The following MYO5B variants were observed in gnomAD, a reference collection of about 807,000 sequenced individuals.
MYO5B encodes unconventional myosin-Vb.
In MYO5B, 143 loss-of-function variants were observed where a neutral mutation model predicts 229.3. That is an observed-to-expected ratio of 0.62 (90% CI 0.54 to 0.72). The LOEUF (loss-of-function observed/expected upper bound fraction) is 0.72, where lower values mean the gene tolerates loss of function less well. MYO5B is among the 30% of genes least tolerant of loss of function. The pLI, the probability that MYO5B is intolerant of heterozygous loss-of-function variation, is 0.00. For missense variants in MYO5B, 2,321 were observed against 2,331.0 expected (o/e 1.00, Z 0.09); for synonymous variants, 918 against 885.2 (o/e 1.04, Z -0.66).
intron 8 of MYO5B, among the ~76,000 whole-genome samples, chr18:49,984,451 C>T (rs149588560): frequency 1.0e-3 from 155 of 152,306 alleles, no homozygotes; most frequent in African/African-American, 3.6e-3. Context: ...ACAGCCTGCA[C>T]GAGTGGAAAG....
intron 8 of MYO5B, 73 bp from the exon 9 acceptor site, chr18:49,980,626 G>T: frequency 8.7e-7 from 1 of 1,155,364 alleles, no homozygotes; most frequent in Non-Finnish European, 1.3e-6. Flanking sequence ...CCCCTTTTAA[G>T]GACATTTTTT....
chr18:49,969,838 C>A (rs2025671288), intron 10 of MYO5B: 2 of 152,260 alleles, frequency 1.3e-5, no homozygotes. Flanking sequence ...AACTTCCCCA[C>A]CTTCTACCCC....
intron 2 of MYO5B, among the ~76,000 whole-genome samples, chr18:50,048,544 T>C (rs924630371): frequency 9.9e-5 from 15 of 152,266 alleles, no homozygotes; most frequent in African/African-American, 3.6e-4. Flanking sequence ...TCGTCTCTCC[T>C]TCCACCTGAA....
At chr18:50,109,265 C>G (rs72919803) in intron 1 of MYO5B, among the ~76,000 whole-genome samples, 36,327 of 151,784 alleles carry the variant, frequency 0.24, 5,269 homozygotes, top group African/African-American at 0.42. Flanking sequence ...GAATTTGTTA[C>G]GGGACCAGCA....
At chr18:49,920,335 C>T (rs1438115079) in intron 17 of MYO5B, among the ~76,000 whole-genome samples, 1 of 152,086 alleles carries the variant, frequency 6.6e-6, no homozygotes, top group Non-Finnish European at 1.5e-5. Flanking sequence ...ATGATGAAAA[C>T]ATAAGAGGTT....
intron 12 of MYO5B, 103 bp from the exon 13 acceptor site, chr18:49,954,538 G>T: frequency 6.8e-7 from 1 of 1,460,838 alleles, no homozygotes; most frequent in Non-Finnish European, 9.6e-7. Flanking sequence ...TGTGAAGGTT[G>T]ATTCAGCCCT....
chr18:49,936,435 T>G, intron 15 of MYO5B, 86 bp from the exon 16 acceptor site: 1 of 915,120 alleles, frequency 1.1e-6, no homozygotes, highest in Non-Finnish European at 1.8e-6. Flanking sequence ...GTGGCGGTAG[T>G]TATTGTTACT....
chr18:50,038,970 T>C lies in MYO5B; in HGVS notation c.310+1173A>G, dbSNP rs553652377. Among the ~76,000 whole-genome samples, 18 of 152,318 alleles carry C rather than the reference T, an allele frequency of 1.2e-4. 1 individual carries two copies. The South Asian group carries it at 2.7e-3, about 23-fold the overall frequency. On this transcript the variant is annotated intron_variant, in intron 3 of 39. Coordinates refer to ENST00000285039, the MANE Select transcript of MYO5B (RefSeq NM_001080467.3). Reference sequence around the variant, plus strand: ...CTCTCAAGCACTGGAATCAACTTGCTATCGACAGCTCCTGAAATCTGGAAG... The same window carrying C: ...CTCTCAAGCACTGGAATCAACTTGCCATCGACAGCTCCTGAAATCTGGAAG...
At chr18:49,973,676 G>C (rs945035664) in intron 10 of MYO5B, among the ~76,000 whole-genome samples, 5 of 152,204 alleles carry the variant, frequency 3.3e-5, no homozygotes, top group African/African-American at 7.2e-5. Context: ...GCTATGAAAT[G>C]AAAGACCAGA....
At chr18:50,045,451 T>C (rs1486303683) in intron 2 of MYO5B, among the ~76,000 whole-genome samples, 2 of 152,218 alleles carry the variant, frequency 1.3e-5, no homozygotes, top group Non-Finnish European at 2.9e-5. Flanking sequence ...TGGAGTGCAA[T>C]GAGGCAATCT....
intron 21 of MYO5B, among the ~76,000 whole-genome samples, chr18:49,897,120 T>C (rs1034938152): frequency 6.6e-6 from 1 of 152,166 alleles, no homozygotes; most frequent in East Asian, 1.9e-4. Flanking sequence ...GGCATCCAGA[T>C]ATTGTCACTG....
chr18:50,030,139 C>G (rs2144371710), intron 4 of MYO5B, among the ~76,000 whole-genome samples: 1 of 152,336 alleles, frequency 6.6e-6, no homozygotes, highest in Admixed American at 6.5e-5. Context: ...GAATCTGCAG[C>G]CTGGAGTTGA....
intron 1 of MYO5B, among the ~76,000 whole-genome samples, chr18:50,093,193 C>CACACACACACACAG (rs1293937732): frequency 7.2e-6 from 1 of 139,784 alleles, no homozygotes; most frequent in Non-Finnish European, 1.5e-5. Context: ...CACACACACA[C>CACACACACACACAG]ACACACACAC....
At chr18:49,907,742 C>T (rs2052342906) in intron 18 of MYO5B, among the ~76,000 whole-genome samples, 1 of 152,282 alleles carries the variant, frequency 6.6e-6, no homozygotes, top group South Asian at 2.1e-4. Flanking sequence ...GCTGTCCTGC[C>T]TGAGCTAAGG....
intron 4 of MYO5B, among the ~76,000 whole-genome samples, chr18:50,018,277 C>T (rs1210501022): frequency 8.6e-6 from 1 of 116,002 alleles, no homozygotes; most frequent in Non-Finnish European, 1.7e-5. Context: ...TTTGCTTGCT[C>T]ATACATATAC....
intron 22 of MYO5B, among the ~76,000 whole-genome samples, chr18:49,888,265 C>T (rs1284990894): frequency 4.6e-5 from 7 of 152,156 alleles, no homozygotes; most frequent in Admixed American, 4.6e-4. Flanking sequence ...ACACACCCTC[C>T]TCTCACCTTC....
Position 49,859,994 on chromosome 18 carries a change from CG to C in MYO5B, c.3945-3105del, listed in dbSNP as rs151001510. Among the ~76,000 whole-genome samples the C allele has an allele frequency of 7.4e-3, 1,132 of 152,202 alleles. 16 individuals carry two copies. Among genetic ancestry groups the C allele is most frequent in the African/African-American group, 0.026 (1,073 of 41,524 alleles). ...TGGTGTGTGTATTGGCGGGGGGCGG[CG>C]GGTGTGAATAATAACCCCAGGTGCG... On this transcript the variant is annotated intron_variant, in intron 29 of 39. Transcript: ENST00000285039.
At chr18:50,021,020 T>C (rs966568523) in intron 4 of MYO5B, among the ~76,000 whole-genome samples, 1 of 152,094 alleles carries the variant, frequency 6.6e-6, no homozygotes, top group East Asian at 1.9e-4. Flanking sequence ...GCACACAGAG[T>C]GTGCAGAGGT....
At chr18:50,183,805 T>A (rs999852076) in intron 1 of MYO5B, among the ~76,000 whole-genome samples, 1 of 152,112 alleles carries the variant, frequency 6.6e-6, no homozygotes, top group Non-Finnish European at 1.5e-5. Flanking sequence ...ATGAATGGTA[T>A]GGTGCTGTTC....
Sources: allele counts gnomAD v4.1 joint callset (sites outside exome capture counted in the v4.1 genomes callset), GRCh38; gene constraint gnomAD v4.1.1; transcripts MANE v1.5; gene names NCBI Gene and HGNC (gene_info 2026-07-23, HGNC 2026-07-21).